Variants in HLA-F observed in about 807,000 individuals in gnomAD.
HLA-F encodes the protein major histocompatibility complex, class I, F.
A neutral mutation model predicts 49.5 loss-of-function variants in HLA-F; 46 were observed. That is an observed-to-expected ratio of 0.93 (90% CI 0.73 to 1.19). The LOEUF is 1.19. HLA-F is among the 50% of genes most tolerant of loss of function. The probability of loss-of-function intolerance (pLI) is 0.00; values close to 1 mark genes in which losing one functional copy is unlikely to be tolerated. For missense variants in HLA-F, 496 were observed against 579.6 expected (o/e 0.86, Z 1.48); for synonymous variants, 203 against 233.5 (o/e 0.87, Z 1.19).
chr6:29,724,120 G>T (rs764147863), intron 2 of HLA-F, 53 bp from the exon 3 acceptor site: 1 of 1,600,930 alleles, frequency 6.2e-7, no homozygotes, highest in Admixed American at 1.7e-5. Context: ...CCGCGGGTTG[G>T]GCGGGGAGGG....
At chr6:29,727,717 G>A (rs971605748), downstream of HLA-F, among the ~76,000 whole-genome samples, 2 of 152,138 alleles carry the variant, frequency 1.3e-5, no homozygotes, top group African/African-American at 4.8e-5. Context: ...AATTTATCCT[G>A]ACTTCCCAGA....
intron 2 of HLA-F, 78 bp downstream of exon 2, chr6:29,724,005 C>T (rs757973145): frequency 6.4e-7 from 1 of 1,552,266 alleles, no homozygotes; most frequent in Non-Finnish European, 8.7e-7. Context: ...TCAGAGTCTC[C>T]GGATCCGAAA....
chr6:29,736,648 C>A (rs948245574), intron 3 of HLA-F: 4 of 305,246 alleles, frequency 1.3e-5, no homozygotes, highest in Non-Finnish European at 2.5e-5. Context: ...TCATAAATCA[C>A]CCTCCCCAAC....
chr6:29,727,891 T>A (rs1034589539), downstream of HLA-F: 1 of 502,072 alleles, frequency 2.0e-6, no homozygotes, highest in African/African-American at 1.9e-5. Context: ...AGACCTAGAC[T>A]CCCTTCCTGT....
At chr6:29,731,456 C>A (rs1245600283), downstream of HLA-F, among the ~76,000 whole-genome samples, 1 of 149,284 alleles carries the variant, frequency 6.7e-6, no homozygotes, top group Admixed American at 6.7e-5. Flanking sequence ...ACTGGTGCAA[C>A]ACTCAAGAGT....
chr6:29,730,877 C>T (rs535787884), downstream of HLA-F, among the ~76,000 whole-genome samples: 1 of 152,280 alleles, frequency 6.6e-6, no homozygotes, highest in South Asian at 2.1e-4. Context: ...CTCAGCCCAG[C>T]TCACTCGTCT....
chr6:29,738,136 A>G (rs772420156), exon 4 of HLA-F: 11 of 152,258 alleles, frequency 7.2e-5, no homozygotes, highest in Non-Finnish European at 1.3e-4. Flanking sequence ...GTTGACTCAT[A>G]CTGGTGTCCA....
chr6:29,727,510 A>C (rs1280200578), downstream of HLA-F, among the ~76,000 whole-genome samples: 1 of 152,206 alleles, frequency 6.6e-6, no homozygotes, highest in African/African-American at 2.4e-5. Context: ...TCTTCTCCAC[A>C]CTGAATTTAT....
At position 29,727,044 on chromosome 6, in the gene HLA-F, A is replaced by G. The variant is rs775067770; in HGVS notation, c.1198A>G (p.Thr400Ala). The change falls in exon 7 of 7, where the codon ACA (threonine) becomes GCA (alanine). Residue 400 changes from threonine (T) to alanine (A), a missense_variant. Transcript: ENST00000259951. ...GATCTTGTTTTTTTTGTGGCTGTGGACATCTTTCAACACTGCCTTCTTGGC... is the reference window on the plus strand; with the variant it reads ...GATCTTGTTTTTTTTGTGGCTGTGGGCATCTTTCAACACTGCCTTCTTGGC... ...MWILFFLWLW[T>A]SFNTAFLALQ... The G allele has an allele frequency of 6.2e-7, 1 of 1,613,262 alleles. No individual in the cohort carries two copies. Among genetic ancestry groups the G allele is most frequent in the Admixed American group, 1.7e-5 (1 of 60,030 alleles).
intron 3 of HLA-F, chr6:29,737,764 G>T (rs1362709855): frequency 6.6e-6 from 1 of 152,238 alleles, no homozygotes; most frequent in Non-Finnish European, 1.5e-5. Context: ...TCCAGACACT[G>T]AGCACCCAGA....
At chr6:29,733,043 G>T (rs4084764) in intron 3 of HLA-F, among the ~76,000 whole-genome samples, 28,826 of 151,952 alleles carry the variant, frequency 0.19, 3,020 homozygotes, top group East Asian at 0.33. Context: ...CAAAAAATTT[G>T]CTGGGCCTGG....
rs111982907 is a variant in HLA-F at position 29,733,118 on chromosome 6, G to A, written c.404-5004G>A. On this transcript the variant is annotated intron_variant, in intron 3 of 4. Transcript: ENST00000465459. ...GCATGGAAATCACTTGAACCCGAGA[G>A]GCGGAGGTTGCAGTGAGCTGAGGTC... Among the ~76,000 whole-genome samples the A allele has an allele frequency of 4.8e-3, 725 of 152,160 alleles. 7 individuals are homozygous for A. The highest frequency in any genetic ancestry group is 0.016 in the African/African-American group (670 of 41,508).
Position 29,726,865 on chromosome 6 carries a change from T to C in HLA-F, c.1037-18T>C. 1.2e-6 allele frequency: 2 copies of C among 1,600,338 alleles called. No individual in the cohort carries two copies. Among genetic ancestry groups the C allele is most frequent in the Non-Finnish European group, 1.7e-6 (2 of 1,179,506 alleles). On this transcript the variant is annotated intron_variant, in intron 6 of 6. Transcript: ENST00000259951. ...ACAGTGAACACAAGTAGGCTGTTGT[T>C]TTCTATCTTCTTCACAGCCTACTCA...
chr6:29,723,659 C>T lies in HLA-F; in HGVS notation c.66C>T (p.Gly22=), dbSNP rs1775619995. The T allele has an allele frequency of 1.9e-6, 3 of 1,608,044 alleles. No homozygotes were observed. Among genetic ancestry groups the T allele is most frequent in the Non-Finnish European group, 2.5e-6 (3 of 1,177,364 alleles). ...GTCTCAGCCCCTCCTCGCCCCCAGGCTCCCACTCCTTGAGGTATTTCAGCA... is the reference window on the plus strand; with the variant it reads ...GTCTCAGCCCCTCCTCGCCCCCAGGTTCCCACTCCTTGAGGTATTTCAGCA... The part of the protein sequence containing the change: ...GALALTDTWA[G]SHSLRYFSTA... The change falls in exon 2 of 7, where the codon GGC becomes GGT. Residue 22 remains glycine (G), a splice_region_variant and synonymous_variant. Transcript: ENST00000259951.
chr6:29,728,010 A>G (rs1292549244), downstream of HLA-F: 1 of 518,938 alleles, frequency 1.9e-6, no homozygotes, highest in South Asian at 1.4e-5. Flanking sequence ...TCCAGGAGCA[A>G]TTTTCCCACC....
rs376803788 is a variant in HLA-F at position 29,727,111 on chromosome 6, G to A, written c.1265G>A (p.Arg422Lys). ...TTTGGCTTCGGCTTTAGGAGGGGCA[G>A]GAGCTTCCTTCTTCGTTCTTGGCAC... ...LRFGFGFRRGRSFLLRSWHHL... is the reference protein window; with the variant it reads ...LRFGFGFRRGKSFLLRSWHHL... The change falls in exon 7 of 7, where the codon AGG (arginine) becomes AAG (lysine). Residue 422 changes from arginine (R) to lysine (K), a missense_variant. Transcript: ENST00000259951. The A allele has an allele frequency of 5.6e-6, 9 of 1,611,018 alleles. No homozygotes were observed. Among genetic ancestry groups the A allele is most frequent in the Non-Finnish European group, 7.6e-6 (9 of 1,179,634 alleles).
At chr6:29,731,690 A>T (rs1026967816), downstream of HLA-F, among the ~76,000 whole-genome samples, 1 of 152,122 alleles carries the variant, frequency 6.6e-6, no homozygotes, top group Non-Finnish European at 1.5e-5. Flanking sequence ...CCCAGAAATA[A>T]TGTTATACCA....
At chr6:29,726,672 G>C in intron 6 of HLA-F, 1 of 1,451,936 alleles carries the variant, frequency 6.9e-7, no homozygotes, top group Non-Finnish European at 9.5e-7. Flanking sequence ...ACTCAGTTTA[G>C]GTGATCCCAA....
At chr6:29,724,892 CTG>C in intron 3 of HLA-F, 137 bp from the exon 4 acceptor site, 1 of 973,832 alleles carries the variant, frequency 1.0e-6, no homozygotes. Context: ...TCCCAGGTGT[CTG>C]TGTCCAGGCT....
Sources: allele counts gnomAD v4.1 joint callset (sites outside exome capture counted in the v4.1 genomes callset), GRCh38; gene constraint gnomAD v4.1.1; transcripts MANE v1.5; gene names NCBI Gene and HGNC (gene_info 2026-07-23, HGNC 2026-07-21).